The following ADORA1 variants were observed in gnomAD, a reference collection of about 807,000 sequenced individuals.
The protein encoded by ADORA1 is adenosine A1 receptor.
A neutral mutation model predicts 19.9 loss-of-function variants in ADORA1; 6 were observed. The ratio of observed to expected loss-of-function variants is 0.30; its 90% CI spans 0.17 to 0.59. ADORA1 has a LOEUF of 0.59. Ranked by LOEUF, ADORA1 falls within the 20% of genes least tolerant of loss-of-function variation. The pLI is 0.87. For synonymous variants in ADORA1, 194 were observed against 188.4 expected (o/e 1.03, Z -0.24); for missense variants, 302 against 439.2 (o/e 0.69, Z 2.79).
intron 3 of ADORA1, among the ~76,000 whole-genome samples, chr1:203,154,416 A>G (rs1655130706): frequency 6.6e-6 from 1 of 152,184 alleles, no homozygotes; most frequent in African/African-American, 2.4e-5. Flanking sequence ...TATACCAGGA[A>G]TTGGTGATGA....
chr1:203,160,529 A>G (rs1655330207), intron 3 of ADORA1, among the ~76,000 whole-genome samples: 1 of 152,168 alleles, frequency 6.6e-6, no homozygotes, highest in Non-Finnish European at 1.5e-5. Context: ...GTCAGTGCCT[A>G]GGGCTGGGCG....
intron 3 of ADORA1, among the ~76,000 whole-genome samples, chr1:203,160,482 G>C (rs1006648356): frequency 6.6e-6 from 1 of 152,114 alleles, no homozygotes; most frequent in African/African-American, 2.4e-5. Flanking sequence ...TAAGTGATAG[G>C]GTTGCGCTGA....
intron 3 of ADORA1, among the ~76,000 whole-genome samples, chr1:203,132,440 C>T (rs541686826): frequency 2.0e-5 from 3 of 152,250 alleles, no homozygotes; most frequent in Admixed American, 6.5e-5. Flanking sequence ...TGGGTGTTTG[C>T]GAGTCAGGCA....
chr1:203,134,226 C>T (rs1251076149), intron 3 of ADORA1, among the ~76,000 whole-genome samples: 2 of 152,140 alleles, frequency 1.3e-5, no homozygotes, highest in Non-Finnish European at 2.9e-5. Flanking sequence ...GCTTGCTCCC[C>T]CGCCTCTGAT....
intron 3 of ADORA1, among the ~76,000 whole-genome samples, chr1:203,140,041 A>T (rs940147570): frequency 6.6e-6 from 1 of 152,242 alleles, no homozygotes; most frequent in African/African-American, 2.4e-5. Flanking sequence ...AATATTAGCA[A>T]ATCAAATCCG....
intron 3 of ADORA1, among the ~76,000 whole-genome samples, chr1:203,156,782 A>G (rs1338134770): frequency 1.3e-5 from 2 of 152,230 alleles, no homozygotes; most frequent in African/African-American, 2.4e-5. Context: ...TTAGAGGGCC[A>G]TGTCTGATAA....
chr1:203,136,189 T>G (rs1376127725), intron 3 of ADORA1, among the ~76,000 whole-genome samples: 1 of 152,128 alleles, frequency 6.6e-6, no homozygotes, highest in Admixed American at 6.5e-5. Flanking sequence ...AACTATCAGC[T>G]GCCGCAGTCC....
rs1655563086 is a variant in ADORA1 at position 203,166,580 on chromosome 1, T to C, written c.*680T>C. 1 of 152,546 alleles carries C rather than the reference T, an allele frequency of 6.6e-6. No individual in the cohort carries two copies. Among genetic ancestry groups the C allele is most frequent in the Admixed American group, 6.5e-5 (1 of 15,294 alleles). The allele number at this position is 152,546 out of a possible 1,614,324, so 9.4% of individuals were successfully genotyped here. ...GCAGAAAGGGTAGGTTCAGTAATCA[T>C]TTCTGATATTTGCTGGAGTGCTGGC... On this transcript the variant is annotated 3_prime_UTR_variant, in exon 4 of 4. Transcript: ENST00000337894.
intron 3 of ADORA1, among the ~76,000 whole-genome samples, chr1:203,162,257 T>C (rs899956205): frequency 6.6e-6 from 1 of 151,850 alleles, no homozygotes; most frequent in Non-Finnish European, 1.5e-5. Flanking sequence ...AGGGAGAAAA[T>C]AGCAAGAAAA....
At chr1:203,139,506 G>A (rs1654612761) in intron 3 of ADORA1, among the ~76,000 whole-genome samples, 1 of 152,172 alleles carries the variant, frequency 6.6e-6, no homozygotes, top group South Asian at 2.1e-4. Context: ...TATAATTGGG[G>A]GCAGCATGAA....
At chr1:203,151,087 G>T (rs946282943) in intron 3 of ADORA1, among the ~76,000 whole-genome samples, 1 of 152,202 alleles carries the variant, frequency 6.6e-6, no homozygotes, top group African/African-American at 2.4e-5. Flanking sequence ...TTCCTTGGTG[G>T]AAACAGGCCT....
intron 3 of ADORA1, among the ~76,000 whole-genome samples, chr1:203,146,318 G>C (rs1654857119): frequency 6.6e-6 from 1 of 152,088 alleles, no homozygotes; most frequent in Non-Finnish European, 1.5e-5. Flanking sequence ...GAGTTTCTAG[G>C]CTGAGGGCAA....
intron 3 of ADORA1, among the ~76,000 whole-genome samples, chr1:203,135,694 C>CA (rs1396857643): frequency 2.0e-5 from 3 of 150,486 alleles, no homozygotes; most frequent in African/African-American, 7.3e-5. Flanking sequence ...TAAAATCAAA[C>CA]AAAAAAACAC....
chr1:203,147,896 T>C (rs530176951), intron 3 of ADORA1, among the ~76,000 whole-genome samples: 26 of 152,282 alleles, frequency 1.7e-4, no homozygotes, highest in African/African-American at 6.3e-4. Flanking sequence ...ACAATTAATG[T>C]TTTTCAGTAA....
At chr1:203,163,994 G>A (rs1268836785) in intron 3 of ADORA1, among the ~76,000 whole-genome samples, 1 of 152,208 alleles carries the variant, frequency 6.6e-6, no homozygotes, top group Non-Finnish European at 1.5e-5. Context: ...CTGCTGCTCA[G>A]CTGGCTTCTC....
intron 3 of ADORA1, among the ~76,000 whole-genome samples, chr1:203,145,311 A>G (rs2102748615): frequency 6.6e-6 from 1 of 152,264 alleles, no homozygotes; most frequent in Admixed American, 6.5e-5. Context: ...AGCACAGGGG[A>G]GACTTGGGGC....
intron 3 of ADORA1, 42 bp downstream of exon 3, chr1:203,129,224 G>A (rs200140629): frequency 6.4e-7 from 1 of 1,566,334 alleles, no homozygotes; most frequent in Non-Finnish European, 8.7e-7. Flanking sequence ...ACCACATGAT[G>A]GCTGGCTTGA....
chr1:203,149,997 A>T (rs1654980285), intron 3 of ADORA1: 1 of 152,268 alleles, frequency 6.6e-6, no homozygotes, highest in African/African-American at 2.4e-5. Context: ...GGTGCTAGGA[A>T]GATGATTTTG....
chr1:203,138,116 AAAG>A (rs1304557725), intron 3 of ADORA1, among the ~76,000 whole-genome samples: 2 of 152,200 alleles, frequency 1.3e-5, no homozygotes, highest in Non-Finnish European at 2.9e-5. Context: ...TGGATGTGAG[AAAG>A]AAGAATCAAT....
Sources: gnomAD v4.1 joint callset for allele counts (sites outside exome capture counted in the v4.1 genomes callset) on GRCh38, gnomAD v4.1.1 for gene constraint, MANE v1.5 for transcripts, NCBI Gene and HGNC (gene_info 2026-07-23, HGNC 2026-07-21) for gene names.